NPAS3: variants seen among roughly 807,000 people sequenced by gnomAD.
The protein encoded by NPAS3 is neuronal PAS domain protein 3, also known as neuronal PAS domain-containing protein 3.
NPAS3 carries 14 observed loss-of-function variants against 73.1 expected under a neutral mutation model. That is an observed-to-expected ratio of 0.19 (90% CI 0.13 to 0.30). NPAS3 has a LOEUF of 0.30. Ranked by LOEUF, NPAS3 falls within the 10% of genes least tolerant of loss-of-function variation. The probability of loss-of-function intolerance (pLI) is 1.00; values close to 1 mark genes in which losing one functional copy is unlikely to be tolerated. For missense variants in NPAS3, 1,096 were observed against 1,250.0 expected, an observed-to-expected ratio of 0.88 and a Z score of 1.86; for synonymous variants, 620 against 541.5, an observed-to-expected ratio of 1.14 and a Z score of -2.01.
chr14:33,758,337 G>C (rs1368770482), intron 7 of NPAS3, among the ~76,000 whole-genome samples: 1 of 152,140 alleles, frequency 6.6e-6, no homozygotes, highest in Non-Finnish European at 1.5e-5. Flanking sequence ...TAACTCAAAT[G>C]CTGCCTCCTC....
chr14:33,244,790 C>A (rs986988278), intron 3 of NPAS3, among the ~76,000 whole-genome samples: 2 of 152,154 alleles, frequency 1.3e-5, no homozygotes, highest in Admixed American at 6.5e-5. Context: ...CCCAACTCAG[C>A]AAGGCATGAG....
chr14:32,980,970 T>C (rs146023313), intron 1 of NPAS3, among the ~76,000 whole-genome samples: 55 of 152,128 alleles, frequency 3.6e-4, no homozygotes, highest in African/African-American at 1.1e-3. Context: ...CACACACACA[T>C]ATATCTTTCA....
chr14:32,996,892 C>A (rs2038599019), intron 1 of NPAS3, among the ~76,000 whole-genome samples: 1 of 152,116 alleles, frequency 6.6e-6, no homozygotes, highest in Admixed American at 6.5e-5. Flanking sequence ...GAGAGGGCCA[C>A]CATCCTCCAG....
intron 7 of NPAS3, among the ~76,000 whole-genome samples, chr14:33,773,294 C>CTGAGCTCCA (rs1266500295): frequency 6.6e-6 from 1 of 152,194 alleles, no homozygotes; most frequent in African/African-American, 2.4e-5. Flanking sequence ...AGCCACTAAA[C>CTGAGCTCCA]TGAGCTCCAT....
intron 6 of NPAS3, among the ~76,000 whole-genome samples, chr14:33,710,793 A>T (rs928398118): frequency 2.0e-5 from 3 of 152,230 alleles, no homozygotes; most frequent in Non-Finnish European, 2.9e-5. Context: ...CAGCCACAGA[A>T]ATTGAGACTG....
At chr14:33,556,713 C>T (rs1020121806) in intron 4 of NPAS3, among the ~76,000 whole-genome samples, 4 of 152,182 alleles carry the variant, frequency 2.6e-5, no homozygotes, top group African/African-American at 9.7e-5. Context: ...CACTGACTGG[C>T]CATCTGATCT....
At chr14:32,940,626 G>C (rs762560700) in intron 1 of NPAS3, among the ~76,000 whole-genome samples, 2 of 152,194 alleles carry the variant, frequency 1.3e-5, no homozygotes, top group Non-Finnish European at 2.9e-5. Flanking sequence ...TTCCTCACAG[G>C]CTTAAGTGAA....
At chr14:33,444,874 T>G (rs1294574707) in intron 4 of NPAS3, among the ~76,000 whole-genome samples, 3 of 152,402 alleles carry the variant, frequency 2.0e-5, no homozygotes, top group South Asian at 4.1e-4. Context: ...TCCCAACAGA[T>G]AGTCTAATGC....
chr14:32,935,089 C>T (rs1424653353), upstream of NPAS3: 2 of 726,666 alleles, frequency 2.8e-6, no homozygotes, highest in Admixed American at 5.0e-5. Context: ...TTGTGTCTTA[C>T]AACACACATG....
At chr14:33,013,081 G>A (rs1039499989) in intron 1 of NPAS3, among the ~76,000 whole-genome samples, 2 of 152,110 alleles carry the variant, frequency 1.3e-5, no homozygotes. Context: ...GCTTGCTAAT[G>A]AGATATACTG....
At chr14:33,766,720 T>G (rs937693331) in intron 7 of NPAS3, among the ~76,000 whole-genome samples, 5 of 152,142 alleles carry the variant, frequency 3.3e-5, no homozygotes, top group African/African-American at 1.2e-4. Context: ...ACCCCTACCA[T>G]CCACTTACTT....
At chr14:33,312,043 C>A (rs1419705842) in intron 3 of NPAS3, among the ~76,000 whole-genome samples, 1 of 152,094 alleles carries the variant, frequency 6.6e-6, no homozygotes, top group Non-Finnish European at 1.5e-5. Flanking sequence ...TTCCTTAGAA[C>A]AACACTAAAG....
chr14:32,970,227 A>C (rs2037361571), intron 1 of NPAS3, among the ~76,000 whole-genome samples: 1 of 152,232 alleles, frequency 6.6e-6, no homozygotes, highest in Admixed American at 6.5e-5. Context: ...GACTAAATTC[A>C]TATCTGAAAA....
chr14:33,702,116 C>T (rs899242828), intron 6 of NPAS3, among the ~76,000 whole-genome samples: 1 of 152,216 alleles, frequency 6.6e-6, no homozygotes, highest in Non-Finnish European at 1.5e-5. Flanking sequence ...AGAAGTAACT[C>T]TCTAGAGAGG....
chr14:33,246,315 G>A (rs1359023543), intron 3 of NPAS3, among the ~76,000 whole-genome samples: 26 of 151,958 alleles, frequency 1.7e-4, no homozygotes, highest in Non-Finnish European at 1.5e-5. Flanking sequence ...CGAGGCGGGC[G>A]GATCACGAGG....
chr14:33,568,141 G>A (rs941579244), intron 5 of NPAS3, among the ~76,000 whole-genome samples: 1 of 152,158 alleles, frequency 6.6e-6, no homozygotes, highest in Non-Finnish European at 1.5e-5. Flanking sequence ...TACTTTGTAA[G>A]GAGCTAGTTC....
At chr14:33,609,812 G>A (rs545100319) in intron 5 of NPAS3, among the ~76,000 whole-genome samples, 5 of 152,040 alleles carry the variant, frequency 3.3e-5, no homozygotes, top group African/African-American at 9.7e-5. Context: ...ATTCTGCAGC[G>A]CCGAGTCTCT....
At chr14:33,751,930 T>C (rs544928968) in intron 7 of NPAS3, among the ~76,000 whole-genome samples, 1 of 152,184 alleles carries the variant, frequency 6.6e-6, no homozygotes, top group South Asian at 2.1e-4. Context: ...TTCATAACCA[T>C]GCAAATATTC....
chr14:33,666,180 G>GTGTT (rs2059446172), intron 5 of NPAS3, among the ~76,000 whole-genome samples: 1 of 152,132 alleles, frequency 6.6e-6, no homozygotes, highest in South Asian at 2.1e-4. Flanking sequence ...CAATCACTTA[G>GTGTT]TGTTAGTGAG....
Sources: gnomAD v4.1 joint callset for allele counts (sites outside exome capture counted in the v4.1 genomes callset) on GRCh38, gnomAD v4.1.1 for gene constraint, MANE v1.5 for transcripts, NCBI Gene and HGNC (gene_info 2026-07-23, HGNC 2026-07-21) for gene names.